SCN7A: variants seen among roughly 807,000 people sequenced by gnomAD.
SCN7A encodes sodium voltage-gated channel alpha subunit 7, also known as sodium channel protein type 7 subunit alpha.
A neutral mutation model predicts 155.2 loss-of-function variants in SCN7A; 138 were observed. The observed-to-expected ratio is 0.89, with a 90% CI of 0.77 to 1.02. The LOEUF (loss-of-function observed/expected upper bound fraction) is 1.02, where lower values mean the gene tolerates loss of function less well. SCN7A is among the 50% of genes least tolerant of loss of function. SCN7A has a pLI of 0.00. For synonymous variants in SCN7A, 693 were observed against 649.0 expected (o/e 1.07, Z -1.03); for missense variants, 2,058 against 1,986.6 (o/e 1.04, Z -0.68).
intron 10 of SCN7A, among the ~76,000 whole-genome samples, chr2:166,457,969 A>G (rs1702321758): frequency 6.6e-6 from 1 of 152,200 alleles, no homozygotes; most frequent in Admixed American, 6.5e-5. Flanking sequence ...GAGTTCAAAC[A>G]TTCAATGAGA....
intron 1 of SCN7A, among the ~76,000 whole-genome samples, chr2:166,491,857 T>C (rs529157468): frequency 2.0e-5 from 3 of 152,112 alleles, no homozygotes; most frequent in African/African-American, 7.2e-5. Context: ...ATGTCCCTTT[T>C]ACCCAATGCC....
chr2:166,476,906 A>G (rs1006229456), intron 3 of SCN7A, among the ~76,000 whole-genome samples: 1 of 151,904 alleles, frequency 6.6e-6, no homozygotes. Context: ...GTTCATACCA[A>G]TCTCTGATTT....
chr2:166,491,815 A>G (rs1683114573), intron 1 of SCN7A, among the ~76,000 whole-genome samples: 1 of 152,110 alleles, frequency 6.6e-6, no homozygotes, highest in Admixed American at 6.5e-5. Flanking sequence ...TGGTTAGTGG[A>G]AATAATGGGA....
chr2:166,485,549 G>C (rs1170858074), intron 2 of SCN7A, among the ~76,000 whole-genome samples: 1 of 152,126 alleles, frequency 6.6e-6, no homozygotes, highest in Non-Finnish European at 1.5e-5. Context: ...CTGGGAATAA[G>C]ATCTTTTTGA....
At chr2:166,423,568 G>A in intron 18 of SCN7A, 136 bp from the exon 19 acceptor site, 1 of 931,642 alleles carries the variant, frequency 1.1e-6, no homozygotes, top group Non-Finnish European at 1.5e-6. Flanking sequence ...CTCCAGGGCT[G>A]GTTCACTATG....
At chr2:166,429,106 T>C in intron 17 of SCN7A, 63 bp downstream of exon 17, 2 of 875,358 alleles carry the variant, frequency 2.3e-6, no homozygotes, top group Non-Finnish European at 3.6e-6. Context: ...ATATGGAACA[T>C]ATACATTTTG....
intron 13 of SCN7A, among the ~76,000 whole-genome samples, 177 bp from the exon 14 acceptor site, chr2:166,443,853 T>C (rs545575987): frequency 6.6e-6 from 1 of 152,336 alleles, no homozygotes; most frequent in South Asian, 2.1e-4. Flanking sequence ...TCATACATTT[T>C]ATTTAACAAT....
Position 166,417,002 on chromosome 2 carries a change from A to T in SCN7A, c.3136-17T>A. The T allele has an allele frequency of 2.0e-6, 3 of 1,532,690 alleles. No homozygotes were observed. Among genetic ancestry groups the T allele is most frequent in the Non-Finnish European group, 1.8e-6 (2 of 1,139,236 alleles). 94.9% of individuals were successfully genotyped at this position (1,532,690 alleles called of 1,614,324 possible). ...CACAACCACCTGGTATATATAAAAA[A>T]TGTAAACTTTAGATAGGAAATCTGA... is the stretch of plus-strand genomic sequence containing the variant. On this transcript the variant is annotated splice_polypyrimidine_tract_variant and intron_variant, in intron 20 of 25. Transcript: ENST00000643258.
At chr2:166,475,124 A>ATATACG (rs1559125349) in intron 3 of SCN7A, among the ~76,000 whole-genome samples, 1 of 120,116 alleles carries the variant, frequency 8.3e-6, no homozygotes, top group Admixed American at 8.1e-5. Flanking sequence ...ATATATACAT[A>ATATACG]TATATATATA....
rs1221454007 is a variant in SCN7A, at chr2:166,432,613, A to G, written c.2297T>C (p.Ile766Thr). The G allele has an allele frequency of 1.9e-6, 3 of 1,612,826 alleles. No individual in the cohort carries two copies. Among genetic ancestry groups the G allele is most frequent in the Non-Finnish European group, 2.5e-6 (3 of 1,179,496 alleles). Residue 766 changes from isoleucine to threonine, a missense_variant, in exon 16 of 26, where the codon ATA becomes ACA. By Grantham distance (89) the Ile-to-Thr change is moderately conservative. Transcript: ENST00000643258. ...TGGGACATTTTGTGTTTTGCATAGT[A>G]TTTTAAGAAGCACATAGTTTATTCC... ...KKGINYVLLK[I>T]LCKTQNVPKD...
intron 2 of SCN7A, among the ~76,000 whole-genome samples, chr2:166,482,779 C>A (rs1211042811): frequency 2.0e-5 from 3 of 149,910 alleles, no homozygotes; most frequent in Admixed American, 2.0e-4. Context: ...AAAAAAAATG[C>A]AAGCACTTAT....
intron 25 of SCN7A, among the ~76,000 whole-genome samples, chr2:166,407,971 G>T (rs1484701366): frequency 6.6e-6 from 1 of 151,916 alleles, no homozygotes; most frequent in East Asian, 1.9e-4. Context: ...AATATGTGGT[G>T]TTTGGATTTC....
At position 166,465,483 on chromosome 2, in the gene SCN7A, C is replaced by A. The variant is rs374774749; in HGVS notation, c.920G>T (p.Cys307Phe). 6.2e-6 allele frequency: 10 copies of A among 1,609,856 alleles called. No homozygotes were observed. Among genetic ancestry groups the A allele is most frequent in the Non-Finnish European group, 7.6e-6 (9 of 1,177,744 alleles). The change falls in exon 9 of 26, where the codon TGT (cysteine) becomes TTT (phenylalanine). Residue 307 changes from cysteine (C) to phenylalanine (F), a missense_variant. By Grantham distance (205) the Cys-to-Phe change is radical (BLOSUM62 -2). Coordinates refer to ENST00000643258, the MANE Select transcript of SCN7A (RefSeq NM_002976.4). ...YLEGERYALL[C>F]GNRTDAGQCP... is the part of the protein sequence containing the mutation. ...CTACCCAGCATCTGTCCTGTTGCCA[C>A]AAAGGAGAGCATATCTTTCTCCTTC...
In SCN7A at chr2:166,405,446, T is replaced by A. The variant is rs887596412; in HGVS notation, c.*134A>T. 1.5e-6 allele frequency: 1 copy of A among 664,508 alleles called. No individual in the cohort carries two copies. Among genetic ancestry groups the A allele is most frequent in the African/African-American group, 1.8e-5 (1 of 54,770 alleles). 41.2% of individuals were successfully genotyped at this position (664,508 alleles called of 1,614,324 possible). A position where few individuals can be genotyped will look rare whatever the true frequency, so the allele number is the denominator to read the frequency against. On this transcript the variant is annotated 3_prime_UTR_variant, in exon 26 of 26. Transcript: ENST00000643258. ...GCTAAAAAGTGAATTTGGCATGAAGTCTTGTGAATACAAGCTTAATTACCA... is the reference window on the plus strand; with the variant it reads ...GCTAAAAAGTGAATTTGGCATGAAGACTTGTGAATACAAGCTTAATTACCA...
rs1553520564 is a variant in SCN7A at position 166,475,123 on chromosome 2, T to TATAC, written c.235-780_235-779insGTAT. On this transcript the variant is annotated intron_variant, in intron 3 of 25. Transcript: ENST00000643258. ...ATATATGTATATATATATATATACA[T>TATAC]ATATATATATATATACACACACACA... 4.2e-3 allele frequency among the ~76,000 whole-genome samples: 512 copies of TATAC among 121,814 alleles called. 25 individuals are homozygous for TATAC. The East Asian group carries it at 0.096, about 23-fold the overall frequency. The allele number at this position is 121,814 out of a possible 152,430, so 79.9% of individuals were successfully genotyped here. A position where few individuals can be genotyped will look rare whatever the true frequency, so the allele number is the denominator to read the frequency against.
At chr2:166,472,565 G>A in intron 5 of SCN7A, 120 bp from the exon 6 acceptor site, 2 of 812,660 alleles carry the variant, frequency 2.5e-6, no homozygotes, top group African/African-American at 1.8e-5. Flanking sequence ...GGTGAGACCA[G>A]GTCTACTTGG....
At chr2:166,428,900 T>C (rs1701676193) in intron 17 of SCN7A, among the ~76,000 whole-genome samples, 1 of 152,028 alleles carries the variant, frequency 6.6e-6, no homozygotes, top group Non-Finnish European at 1.5e-5. Context: ...CACATACACA[T>C]GCACACATAT....
At chr2:166,429,640 T>G (rs573505145) in intron 16 of SCN7A, among the ~76,000 whole-genome samples, 1 of 152,186 alleles carries the variant, frequency 6.6e-6, no homozygotes, top group Admixed American at 6.6e-5. Context: ...CTATTTCAAT[T>G]AGATGAGTAG....
chr2:166,493,883 G>A (rs901075311), intron 1 of SCN7A, 85 bp downstream of exon 1: 1 of 152,562 alleles, frequency 6.6e-6, no homozygotes, highest in African/African-American at 2.4e-5. Context: ...GATGGGGCAG[G>A]TGGGAGTGGA....
Sources: gnomAD v4.1 joint callset for allele counts (sites outside exome capture counted in the v4.1 genomes callset) on GRCh38, gnomAD v4.1.1 for gene constraint, MANE v1.5 for transcripts, NCBI Gene and HGNC (gene_info 2026-07-23, HGNC 2026-07-21) for gene names.